LAPTM4B: variants seen among roughly 807,000 people sequenced by gnomAD.
LAPTM4B encodes the protein lysosomal-associated transmembrane protein 4B.
In LAPTM4B, 26 loss-of-function variants were observed where a neutral mutation model predicts 28.5. That is an observed-to-expected ratio of 0.91 (90% CI 0.67 to 1.27). The LOEUF (loss-of-function observed/expected upper bound fraction) is 1.27. Ranked by LOEUF, LAPTM4B falls within the 50% of genes most tolerant of loss-of-function variation. The pLI is 0.00. For missense variants in LAPTM4B, 288 were observed against 285.8 expected, an observed-to-expected ratio of 1.01 and a Z score of -0.06; for synonymous variants, 109 against 106.4, an observed-to-expected ratio of 1.02 and a Z score of -0.15.
chr8:97,845,180 G>A (rs986358375), intron 6 of LAPTM4B, among the ~76,000 whole-genome samples: 6 of 152,068 alleles, frequency 3.9e-5, no homozygotes, highest in Admixed American at 6.6e-5. Flanking sequence ...TATCCTCCTC[G>A]TGTAGTTTCA....
intron 6 of LAPTM4B, among the ~76,000 whole-genome samples, chr8:97,848,537 A>G (rs1251423898): frequency 1.3e-5 from 2 of 151,884 alleles, no homozygotes; most frequent in Non-Finnish European, 2.9e-5. Context: ...GTAGCTCTAC[A>G]GGTCGGCCAC....
chr8:97,817,730 G>A (rs1356967554), intron 4 of LAPTM4B, among the ~76,000 whole-genome samples: 6 of 150,622 alleles, frequency 4.0e-5, no homozygotes, highest in African/African-American at 1.5e-4. Context: ...GAATACAGGC[G>A]CCCACTACCA....
intron 6 of LAPTM4B, among the ~76,000 whole-genome samples, chr8:97,842,663 C>T (rs773953768): frequency 7.2e-5 from 11 of 152,138 alleles, no homozygotes; most frequent in South Asian, 2.1e-4. Context: ...GGACTACAGG[C>T]GCCCGCCACC....
chr8:97,845,868 ACTCCCCTCCCCTCCC>A (rs1214536719), intron 6 of LAPTM4B, among the ~76,000 whole-genome samples: 16 of 4,368 alleles, frequency 3.7e-3, no homozygotes, highest in African/African-American at 6.2e-3. Flanking sequence ...CCCCCCTTCC[ACTCCCCTCCCCTCCC>A]CTCCCCTCCC....
intron 6 of LAPTM4B, among the ~76,000 whole-genome samples, chr8:97,840,298 G>T (rs374539620): frequency 6.6e-6 from 1 of 152,108 alleles, no homozygotes; most frequent in Non-Finnish European, 1.5e-5. Flanking sequence ...AAATATTTGC[G>T]GTGTGAATTC....
intron 1 of LAPTM4B, among the ~76,000 whole-genome samples, chr8:97,787,387 G>A (rs918517829): frequency 2.9e-4 from 43 of 150,538 alleles, no homozygotes; most frequent in East Asian, 1.4e-3. Flanking sequence ...CCAGGTTCAC[G>A]CCATTCTCCT....
At chr8:97,822,343 T>A (rs969501193) in intron 5 of LAPTM4B, among the ~76,000 whole-genome samples, 6 of 151,982 alleles carry the variant, frequency 3.9e-5, no homozygotes, top group Admixed American at 6.6e-5. Flanking sequence ...AAATCTTACC[T>A]GCAGGAAGGT....
chr8:97,776,173 C>T (rs1303760288), intron 1 of LAPTM4B, 65 bp downstream of exon 1: 6 of 1,474,102 alleles, frequency 4.1e-6, no homozygotes, highest in Admixed American at 2.4e-5. Flanking sequence ...GGCTTCTGGC[C>T]CGGCCTCGCG....
At chr8:97,802,714 T>G (rs1816702900) in intron 1 of LAPTM4B, among the ~76,000 whole-genome samples, 1 of 152,168 alleles carries the variant, frequency 6.6e-6, no homozygotes, top group African/African-American at 2.4e-5. Flanking sequence ...TCAGATGCCT[T>G]TGACGGAGAA....
intron 1 of LAPTM4B, among the ~76,000 whole-genome samples, chr8:97,800,785 T>C (rs907213210): frequency 6.6e-6 from 1 of 151,928 alleles, no homozygotes; most frequent in Non-Finnish European, 1.5e-5. Flanking sequence ...CATGAGCCAC[T>C]GTGCCCAGCC....
chr8:97,851,533 G>C lies in LAPTM4B; in HGVS notation c.*59G>C, dbSNP rs12544539. On this transcript the variant is annotated 3_prime_UTR_variant, in exon 7 of 7. Transcript: ENST00000521545. ...TGACTTTGCAGACATCTGAGCAATA[G>C]TTCTGTTATTTCACTTTTGCCATGA... is the stretch of plus-strand genomic sequence containing the variant. 5 of 1,276,322 alleles carry C rather than the reference G, an allele frequency of 3.9e-6. No homozygotes were observed. Among genetic ancestry groups the C allele is most frequent in the Non-Finnish European group, 5.7e-6 (5 of 875,744 alleles). The allele number at this position is 1,276,322 out of a possible 1,614,324, so 79.1% of individuals were successfully genotyped here.
intron 6 of LAPTM4B, among the ~76,000 whole-genome samples, chr8:97,825,360 A>G (rs991423835): frequency 6.6e-6 from 1 of 152,234 alleles, no homozygotes; most frequent in Non-Finnish European, 1.5e-5. Flanking sequence ...GGATATTAAA[A>G]TGTAGATGGC....
At chr8:97,844,349 G>C (rs1273154838) in intron 6 of LAPTM4B, among the ~76,000 whole-genome samples, 2 of 152,008 alleles carry the variant, frequency 1.3e-5, no homozygotes, top group Non-Finnish European at 2.9e-5. Context: ...TGCCTGCCTT[G>C]GCCTCCCAAA....
chr8:97,788,586 A>G (rs1217622265), intron 1 of LAPTM4B, among the ~76,000 whole-genome samples: 1 of 152,096 alleles, frequency 6.6e-6, no homozygotes, highest in African/African-American at 2.4e-5. Flanking sequence ...TACACAGCCC[A>G]TCATTTTCTT....
intron 1 of LAPTM4B, among the ~76,000 whole-genome samples, chr8:97,799,995 A>C (rs530779587): frequency 3.7e-4 from 57 of 152,226 alleles, no homozygotes; most frequent in African/African-American, 1.3e-3. Flanking sequence ...TCTCTGTTGC[A>C]GGTCCCTGCA....
At position 97,819,103 on chromosome 8, in the gene LAPTM4B, T is replaced by C. The variant is rs186681520; in HGVS notation, c.409-37T>C. Reference sequence around the variant, plus strand: ...CCCAAGGAATACTGTCTGGAATGATTAATGAGATTTGCTAATGAGGCCCTT... The same window carrying C: ...CCCAAGGAATACTGTCTGGAATGATCAATGAGATTTGCTAATGAGGCCCTT... On this transcript the variant is annotated intron_variant, in intron 4 of 6. Coordinates refer to ENST00000521545, the MANE Select transcript of LAPTM4B (RefSeq NM_018407.6). 5.6e-6 allele frequency: 7 copies of C among 1,239,560 alleles called. No individual in the cohort carries two copies. In the Admixed American group the frequency reaches 7.3e-5, roughly 13 times the overall value. The allele number at this position is 1,239,560 out of a possible 1,614,324, so 76.8% of individuals were successfully genotyped here.
rs1402395446 is a variant in LAPTM4B, at chr8:97,782,935, TTTATTTATTTA to T, written c.99+6830_99+6840del. On this transcript the variant is annotated intron_variant, in intron 1 of 6. Coordinates refer to ENST00000521545, the MANE Select transcript of LAPTM4B (RefSeq NM_018407.6). ...ATTTATTTATTTATTTATTTATTTA[TTTATTTATTTA>T]TTTTTTAGTAGAGACGGGGTTTCTC... Among the ~76,000 whole-genome samples the T allele has an allele frequency of 3.4e-5, 5 of 149,134 alleles. 1 individual carries two copies. Among genetic ancestry groups the T allele is most frequent in the African/African-American group, 1.2e-4 (5 of 40,932 alleles).
Position 97,776,027 on chromosome 8 carries a change from C to T in LAPTM4B, c.18C>T (p.Pro6=). Residue 6 remains proline (P), a synonymous_variant, in exon 1 of 7, where the codon CCC becomes CCT. Transcript: ENST00000521545. The part of the protein sequence containing the change: MKMVA[P]WTRFYSNSCC... ...CCGGAGCGATGAAGATGGTCGCGCC[C>T]TGGACGCGGTTCTACTCCAACAGCT... The T allele has an allele frequency of 6.3e-7, 1 of 1,580,642 alleles. No individual in the cohort carries two copies. Among genetic ancestry groups the T allele is most frequent in the Non-Finnish European group, 8.6e-7 (1 of 1,167,596 alleles).
chr8:97,829,472 TAAGGAAGAC>T (rs1817146084), intron 6 of LAPTM4B, among the ~76,000 whole-genome samples: 1 of 152,046 alleles, frequency 6.6e-6, no homozygotes, highest in African/African-American at 2.4e-5. Context: ...TAAAGGAACA[TAAGGAAGAC>T]GGGAGGTTAC....
Sources: gnomAD v4.1 joint callset for allele counts (sites outside exome capture counted in the v4.1 genomes callset) on GRCh38, gnomAD v4.1.1 for gene constraint, MANE v1.5 for transcripts, NCBI Gene and HGNC (gene_info 2026-07-23, HGNC 2026-07-21) for gene names.